The following PSMD1 variants were observed in gnomAD, a reference collection of about 807,000 sequenced individuals.
PSMD1 encodes 26S proteasome non-ATPase regulatory subunit 1.
Under a neutral mutation model 119.0 loss-of-function variants are expected in PSMD1, and 18 were observed. That is an observed-to-expected ratio of 0.15 (90% CI 0.10 to 0.22). PSMD1 has a LOEUF of 0.22. PSMD1 is among the 10% of genes least tolerant of loss of function. The probability of loss-of-function intolerance (pLI) is 1.00; values close to 1 mark genes in which losing one functional copy is unlikely to be tolerated. For synonymous variants in PSMD1, 374 were observed against 396.6 expected (o/e 0.94, Z 0.68); for missense variants, 702 against 1,158.5 (o/e 0.61, Z 5.72).
intron 16 of PSMD1, among the ~76,000 whole-genome samples, chr2:231,093,515 T>A (rs1234124555): frequency 6.6e-6 from 1 of 152,176 alleles, no homozygotes; most frequent in Admixed American, 6.5e-5. Flanking sequence ...TGATTTGATG[T>A]ATCGTGCTAG....
intron 16 of PSMD1, among the ~76,000 whole-genome samples, chr2:231,100,280 A>G (rs73084049): frequency 3.4e-4 from 52 of 152,152 alleles, no homozygotes; most frequent in African/African-American, 1.3e-3. Context: ...AAGATGGTGC[A>G]ATGGTGAACA....
chr2:231,068,021 GT>G (rs1484912177), intron 5 of PSMD1, among the ~76,000 whole-genome samples: 2 of 152,076 alleles, frequency 1.3e-5, no homozygotes, highest in Non-Finnish European at 2.9e-5. Context: ...ACTATCCCTT[GT>G]TTGCAGAACT....
chr2:231,124,063 TTCTC>T (rs539375848), intron 16 of PSMD1: 14 of 312,856 alleles, frequency 4.5e-5, no homozygotes, highest in Middle Eastern at 2.2e-3. Context: ...TATTTTTAGT[TTCTC>T]TCTCTCTCTT....
At chr2:231,141,841 TTTTG>T (rs982442521) in intron 17 of PSMD1, among the ~76,000 whole-genome samples, 13 of 151,918 alleles carry the variant, frequency 8.6e-5, no homozygotes, top group African/African-American at 1.7e-4. Flanking sequence ...CATTACAGAG[TTTTG>T]TTTTTTATTT....
chr2:231,059,492 GGA>G (rs150668900), intron 1 of PSMD1, among the ~76,000 whole-genome samples: 2 of 151,442 alleles, frequency 1.3e-5, no homozygotes, highest in Non-Finnish European at 1.5e-5. Flanking sequence ...GCAGGGGAAT[GGA>G]GAGAGAGAGA....
At chr2:231,114,470 A>AT (rs1559236571) in intron 16 of PSMD1, among the ~76,000 whole-genome samples, 1 of 152,146 alleles carries the variant, frequency 6.6e-6, no homozygotes, top group African/African-American at 2.4e-5. Context: ...TAGTGGAGTG[A>AT]TTTTTTTGAC....
chr2:231,129,792 G>T (rs1041918947), intron 16 of PSMD1, among the ~76,000 whole-genome samples: 11 of 152,138 alleles, frequency 7.2e-5, no homozygotes, highest in African/African-American at 2.7e-4. Context: ...AATGTTTTAT[G>T]CCACAAAATT....
chr2:231,165,167 G>C, intron 21 of PSMD1, 33 bp from the exon 22 acceptor site: 1 of 1,555,582 alleles, frequency 6.4e-7, no homozygotes, highest in Non-Finnish European at 8.7e-7. Context: ...GTCAGTAAGG[G>C]ATTACAACAG....
chr2:231,081,337 A>G (rs1694305400), intron 12 of PSMD1, among the ~76,000 whole-genome samples: 1 of 152,130 alleles, frequency 6.6e-6, no homozygotes, highest in Non-Finnish European at 1.5e-5. Flanking sequence ...AAACAGCAAT[A>G]GACAGCATTA....
chr2:231,113,149 G>A lies in PSMD1; in HGVS notation c.1884-25587G>A, dbSNP rs541957819. On this transcript the variant is annotated intron_variant, in intron 16 of 24. Coordinates refer to ENST00000308696, the MANE Select transcript of PSMD1 (RefSeq NM_002807.4). ...ATTGCACTCTAGCCTGGGTGACAGAGCAAGACCCTGTCTCCAAAAAAGAAA... is the reference window on the plus strand; with the variant it reads ...ATTGCACTCTAGCCTGGGTGACAGAACAAGACCCTGTCTCCAAAAAAGAAA... Among the ~76,000 whole-genome samples, 9 of 152,168 alleles carry A rather than the reference G, an allele frequency of 5.9e-5. No homozygotes were observed. The East Asian group carries it at 9.7e-4, about 16-fold the overall frequency.
intron 16 of PSMD1, among the ~76,000 whole-genome samples, chr2:231,122,136 A>G (rs1695566484): frequency 1.3e-5 from 2 of 152,252 alleles, no homozygotes; most frequent in Non-Finnish European, 2.9e-5. Flanking sequence ...AAACAGGGAG[A>G]TAGAAAGACT....
At chr2:231,160,232 A>C (rs1696604810) in intron 19 of PSMD1, among the ~76,000 whole-genome samples, 1 of 152,228 alleles carries the variant, frequency 6.6e-6, no homozygotes, top group Non-Finnish European at 1.5e-5. Context: ...GCTCTCGTTC[A>C]AGTGTTCAAA....
chr2:231,166,246 C>T lies in PSMD1; in HGVS notation c.2715+229C>T, dbSNP rs552757621. Reference sequence around the variant, plus strand: ...ACTCCCGTCTTCTACCACAGACATACGACGTAGGAGTTCCTAATACAACAA... The same window carrying T: ...ACTCCCGTCTTCTACCACAGACATATGACGTAGGAGTTCCTAATACAACAA... On this transcript the variant is annotated intron_variant, in intron 23 of 24. Transcript: ENST00000308696. Among the ~76,000 whole-genome samples, 29 of 152,294 alleles carry T rather than the reference C, an allele frequency of 1.9e-4. 1 individual carries two copies. The highest frequency in any genetic ancestry group is 5.5e-4 in the African/African-American group (23 of 41,570).
intron 4 of PSMD1, among the ~76,000 whole-genome samples, chr2:231,064,506 C>CA (rs776607193): frequency 3.3e-5 from 5 of 152,268 alleles, no homozygotes; most frequent in Non-Finnish European, 5.9e-5. Context: ...GAAAATTCCC[C>CA]AAATGTTCTA....
intron 16 of PSMD1, among the ~76,000 whole-genome samples, chr2:231,107,168 T>C (rs968193251): frequency 5.9e-5 from 9 of 152,220 alleles, no homozygotes; most frequent in Admixed American, 2.0e-4. Context: ...AGATTATATA[T>C]AGCCAGTAAG....
intron 16 of PSMD1, among the ~76,000 whole-genome samples, chr2:231,092,101 A>T (rs770314713): frequency 6.6e-5 from 10 of 152,208 alleles, no homozygotes; most frequent in Non-Finnish European, 1.2e-4. Context: ...AGTTGCTAAG[A>T]TGACTATGGC....
chr2:231,165,034 T>TTTTATATATATATATATA (rs1418024804), intron 21 of PSMD1, 166 bp from the exon 22 acceptor site: 1 of 21,838 alleles, frequency 4.6e-5, no homozygotes, highest in Non-Finnish European at 7.6e-5. Context: ...TTATATATAT[T>TTTTATATATATATATATA]TATATATATA....
intron 16 of PSMD1, among the ~76,000 whole-genome samples, chr2:231,115,991 A>G (rs542163358): frequency 1.3e-5 from 2 of 152,158 alleles, no homozygotes; most frequent in East Asian, 1.9e-4. Context: ...AGATGCACCT[A>G]AGTTTCCTGT....
At chr2:231,151,263 G>A (rs997358190) in intron 18 of PSMD1, among the ~76,000 whole-genome samples, 1 of 151,996 alleles carries the variant, frequency 6.6e-6, no homozygotes, top group Non-Finnish European at 1.5e-5. Context: ...TTAATTGCTT[G>A]TGATAGCAAG....
Sources: gnomAD v4.1 joint callset for allele counts (sites outside exome capture counted in the v4.1 genomes callset) on GRCh38, gnomAD v4.1.1 for gene constraint, MANE v1.5 for transcripts, NCBI Gene and HGNC (gene_info 2026-07-23, HGNC 2026-07-21) for gene names.